Variants in GBP7 observed in about 807,000 individuals in gnomAD.
GBP7 encodes guanylate-binding protein 7.
A neutral mutation model predicts 61.3 loss-of-function variants in GBP7; 43 were observed. The observed-to-expected ratio is 0.70, with a 90% CI of 0.55 to 0.91. The LOEUF is 0.91. GBP7 is among the 40% of genes least tolerant of loss of function. The pLI, the probability that GBP7 is intolerant of heterozygous loss-of-function variation, is 0.00. For synonymous variants in GBP7, 267 were observed against 271.0 expected (o/e 0.99, Z 0.14); for missense variants, 717 against 740.5 (o/e 0.97, Z 0.37).
chr1:89,147,321 G>A (rs990307898), intron 8 of GBP7, among the ~76,000 whole-genome samples: 1 of 152,052 alleles, frequency 6.6e-6, no homozygotes, highest in Non-Finnish European at 1.5e-5. Context: ...CACATTATTT[G>A]ATAAATAAAA....
chr1:89,156,947 G>A (rs1284385019), intron 3 of GBP7, among the ~76,000 whole-genome samples: 1 of 152,158 alleles, frequency 6.6e-6, no homozygotes, highest in Admixed American at 6.5e-5. Flanking sequence ...GGACCACATA[G>A]TTGGAAGTAA....
chr1:89,139,316 A>G (rs1250534806), intron 9 of GBP7, among the ~76,000 whole-genome samples: 1 of 152,230 alleles, frequency 6.6e-6, no homozygotes, highest in African/African-American at 2.4e-5. Flanking sequence ...AAAGACTTAG[A>G]TGTTAGACCT....
chr1:89,156,661 C>A (rs2100651936), intron 3 of GBP7, among the ~76,000 whole-genome samples: 1 of 152,318 alleles, frequency 6.6e-6, no homozygotes, highest in African/African-American at 2.4e-5. Context: ...AGCTAACTAT[C>A]CTAAATATAT....
chr1:89,146,648 C>G (rs1204346352), intron 8 of GBP7, among the ~76,000 whole-genome samples: 2 of 152,082 alleles, frequency 1.3e-5, no homozygotes, highest in African/African-American at 4.8e-5. Context: ...ACAGACATCC[C>G]TCAAAAGAAG....
intron 9 of GBP7, 109 bp from the exon 10 acceptor site, chr1:89,133,560 G>T: frequency 1.2e-6 from 1 of 829,894 alleles, no homozygotes; most frequent in Non-Finnish European, 1.9e-6. Flanking sequence ...TGAGAGACCA[G>T]ACCGTAAAGA....
Position 89,143,486 on chromosome 1 carries a change from A to G in GBP7, c.1366-1838T>C, listed in dbSNP as rs142127517. On this transcript the variant is annotated intron_variant, in intron 8 of 10. Coordinates refer to ENST00000294671, the MANE Select transcript of GBP7 (RefSeq NM_207398.3). ...ACTGTTTTAGGGTGAGTGAGCAATAATGATTTAGGTATAGAGTTAGGATCT... is the reference window on the plus strand; with the variant it reads ...ACTGTTTTAGGGTGAGTGAGCAATAGTGATTTAGGTATAGAGTTAGGATCT... Among the ~76,000 whole-genome samples, 3 of 152,280 alleles carry G rather than the reference A, an allele frequency of 2.0e-5. No individual in the cohort carries two copies. The East Asian group carries it at 5.8e-4, about 29-fold the overall frequency.
intron 3 of GBP7, among the ~76,000 whole-genome samples, chr1:89,156,430 C>A (rs1682316471): frequency 6.6e-6 from 1 of 152,082 alleles, no homozygotes; most frequent in Admixed American, 6.6e-5. Context: ...AGAGACAAGA[C>A]CCATCAGTGT....
chr1:89,153,743 C>T (rs1423755920), intron 3 of GBP7, among the ~76,000 whole-genome samples: 1 of 151,988 alleles, frequency 6.6e-6, no homozygotes, highest in Admixed American at 6.6e-5. Flanking sequence ...AAACAGACAA[C>T]AATCCAAAAA....
At chr1:89,147,106 T>C (rs1253357241) in intron 8 of GBP7, among the ~76,000 whole-genome samples, 2 of 152,194 alleles carry the variant, frequency 1.3e-5, no homozygotes, top group Admixed American at 6.5e-5. Context: ...TAATATCTGA[T>C]ACACAAAATG....
chr1:89,152,204 C>T lies in GBP7; in HGVS notation c.625+64G>A, dbSNP rs368573681. ...ATAAAAATTTGTGTCAGGTGTTGAACGGTAGGTCCTAGTTGATCCCACCCG... is the reference window on the plus strand; with the variant it reads ...ATAAAAATTTGTGTCAGGTGTTGAATGGTAGGTCCTAGTTGATCCCACCCG... On this transcript the variant is annotated intron_variant, in intron 5 of 10. Transcript: ENST00000294671. 303 of 1,438,350 alleles carry T rather than the reference C, an allele frequency of 2.1e-4. 15 individuals are homozygous for T. Among genetic ancestry groups the T allele is most frequent in the East Asian group, 1.3e-3 (56 of 43,748 alleles). The allele number at this position is 1,438,350 out of a possible 1,614,324, so 89.1% of individuals were successfully genotyped here. A position where few individuals can be genotyped will look rare whatever the true frequency, so the allele number is the denominator to read the frequency against.
chr1:89,150,362 G>T lies in GBP7; in HGVS notation c.839C>A (p.Thr280Asn), dbSNP rs1350326257. The T allele has an allele frequency of 6.2e-7, 1 of 1,613,914 alleles. No individual in the cohort carries two copies. Among genetic ancestry groups the T allele is most frequent in the East Asian group, 2.2e-5 (1 of 44,878 alleles). The change falls in exon 6 of 11, where the codon ACC becomes AAC. Residue 280 changes from threonine (T) to asparagine (N), a missense_variant. Around this residue, in one of 3 missense-constraint regions of GBP7, gnomAD observed 387 missense variants for 385.2 expected, o/e 1.00. Coordinates refer to ENST00000294671, the MANE Select transcript of GBP7 (RefSeq NM_207398.3). Reference protein sequence around the residue: ...SYIFTHAKTKTLREGILVTGN... With the variant: ...SYIFTHAKTKNLREGILVTGN... Reference sequence around the variant, plus strand: ...AGTGACAAGGATTCCCTCTCTCAGGGTCTTGGTCTTTGCATGGGTGAAGAT... The same window carrying T: ...AGTGACAAGGATTCCCTCTCTCAGGTTCTTGGTCTTTGCATGGGTGAAGAT...
At chr1:89,163,962 C>T (rs949565941) in intron 3 of GBP7, among the ~76,000 whole-genome samples, 12 of 151,878 alleles carry the variant, frequency 7.9e-5, no homozygotes, top group East Asian at 3.9e-4. Context: ...CTCCACTTCC[C>T]GGGTCCAAGC....
chr1:89,148,770 C>T (rs1000473738), intron 7 of GBP7, among the ~76,000 whole-genome samples: 6 of 152,078 alleles, frequency 3.9e-5, no homozygotes, highest in Admixed American at 2.0e-4. Context: ...TTCTGACTTA[C>T]GGAGCTGTGA....
Position 89,131,860 on chromosome 1 carries a change from CTT to C in GBP7, c.*287_*288del, listed in dbSNP as rs2100631473. 1 of 221,584 alleles carries C rather than the reference CTT, an allele frequency of 4.5e-6. No homozygotes were observed. Among genetic ancestry groups the C allele is most frequent in the East Asian group, 1.0e-4 (1 of 9,974 alleles). 13.7% of individuals were successfully genotyped at this position (221,584 alleles called of 1,614,324 possible). A position where few individuals can be genotyped will look rare whatever the true frequency, so the allele number is the denominator to read the frequency against. Reference sequence around the variant, plus strand: ...ACTGATTTGCAAGAGCTAATTATAACTTAAATTATCTCTGTGACTATAACATT... The same window carrying C: ...ACTGATTTGCAAGAGCTAATTATAACAAATTATCTCTGTGACTATAACATT... On this transcript the variant is annotated 3_prime_UTR_variant, in exon 11 of 11. Transcript: ENST00000294671.
intron 7 of GBP7, 115 bp downstream of exon 7, chr1:89,149,177 T>G: frequency 1.2e-6 from 1 of 856,896 alleles, no homozygotes; most frequent in Non-Finnish European, 1.7e-6. Context: ...TCACATAAAA[T>G]AATCCAATCT....
intron 9 of GBP7, among the ~76,000 whole-genome samples, chr1:89,139,223 G>A (rs1681879464): frequency 6.6e-6 from 1 of 152,184 alleles, no homozygotes; most frequent in South Asian, 2.1e-4. Context: ...AAATGGTGCT[G>A]GGAAAACTGG....
chr1:89,165,998 C>T (rs540418677), intron 2 of GBP7, among the ~76,000 whole-genome samples: 19 of 152,290 alleles, frequency 1.2e-4, no homozygotes, highest in African/African-American at 3.9e-4. Flanking sequence ...GAGTAACAAG[C>T]CCTCACTAGA....
At chr1:89,139,435 A>C (rs1181395991) in intron 9 of GBP7, among the ~76,000 whole-genome samples, 1 of 152,266 alleles carries the variant, frequency 6.6e-6, no homozygotes, top group Non-Finnish European at 1.5e-5. Flanking sequence ...AAAAGCCAAA[A>C]TTGACAAATG....
At chr1:89,175,002 G>A (rs1317476088) in intron 1 of GBP7, among the ~76,000 whole-genome samples, 1 of 152,172 alleles carries the variant, frequency 6.6e-6, no homozygotes, top group South Asian at 2.1e-4. Flanking sequence ...TAAATATTTT[G>A]ATAATTTTGT....
Sources: allele counts gnomAD v4.1 joint callset (sites outside exome capture counted in the v4.1 genomes callset), GRCh38; gene constraint gnomAD v4.1.1; regional missense constraint gnomAD v4.1.1; transcripts MANE v1.5; gene names NCBI Gene and HGNC (gene_info 2026-07-23, HGNC 2026-07-21).